Variants in BABAM2 observed in about 807,000 individuals in gnomAD.
BABAM2 encodes the protein BRISC and BRCA1 A complex member 2, also known as BRISC and BRCA1-A complex member 2.
In BABAM2, 31 loss-of-function variants were observed where a neutral mutation model predicts 54.7. That is an observed-to-expected ratio of 0.57 (90% CI 0.43 to 0.77). The LOEUF is 0.77. Among genes scored for constraint, BABAM2 ranks in the 30% least tolerant of loss-of-function variants. The probability of loss-of-function intolerance (pLI) is 0.00; values close to 1 mark genes in which losing one functional copy is unlikely to be tolerated. For missense variants in BABAM2, 364 were observed against 455.8 expected (o/e 0.80, Z 1.83); for synonymous variants, 167 against 162.9 (o/e 1.03, Z -0.19).
chr2:28,282,727 C>T (rs749016739), intron 10 of BABAM2, among the ~76,000 whole-genome samples: 9 of 152,160 alleles, frequency 5.9e-5, no homozygotes, highest in Middle Eastern at 3.4e-3. Flanking sequence ...TAGCCGGGCA[C>T]GGTGGCTCAT....
intron 5 of BABAM2, among the ~76,000 whole-genome samples, chr2:28,026,981 T>A (rs1573425287): frequency 9.1e-6 from 1 of 110,408 alleles, no homozygotes; most frequent in South Asian, 2.4e-4. Context: ...AATATATAAA[T>A]ATATATAAAA....
At chr2:27,944,959 T>C (rs567141249) in intron 3 of BABAM2, among the ~76,000 whole-genome samples, 90 of 152,236 alleles carry the variant, frequency 5.9e-4, no homozygotes, top group African/African-American at 2.1e-3. Flanking sequence ...CTACCTTTTT[T>C]TCTTGCCAAC....
intron 3 of BABAM2, among the ~76,000 whole-genome samples, chr2:27,958,708 T>C (rs1009109055): frequency 3.3e-5 from 5 of 152,116 alleles, no homozygotes; most frequent in Non-Finnish European, 5.9e-5. Flanking sequence ...ATGACTGACC[T>C]TTAGCTTCTT....
At chr2:28,308,336 A>C (rs1688744835) in intron 11 of BABAM2, 1 of 465,640 alleles carries the variant, frequency 2.1e-6, no homozygotes, top group Non-Finnish European at 4.2e-6. Flanking sequence ...GGCAGCAGAA[A>C]TATGCTTGGA....
chr2:28,297,073 A>C (rs937757227), intron 10 of BABAM2, among the ~76,000 whole-genome samples: 3 of 152,194 alleles, frequency 2.0e-5, no homozygotes, highest in African/African-American at 7.2e-5. Context: ...TGACAACTTT[A>C]GCTTCCTAAA....
intron 1 of BABAM2, among the ~76,000 whole-genome samples, chr2:27,892,731 A>G (rs141382512): frequency 6.6e-6 from 1 of 152,320 alleles, no homozygotes; most frequent in African/African-American, 2.4e-5. Context: ...AAGTGATAAA[A>G]TGTTTAAAAA....
At chr2:28,286,608 A>C (rs915327774) in intron 10 of BABAM2, among the ~76,000 whole-genome samples, 2 of 152,008 alleles carry the variant, frequency 1.3e-5, no homozygotes, top group Non-Finnish European at 2.9e-5. Flanking sequence ...CTTCCCAGTC[A>C]TAGTCCTCCC....
intron 3 of BABAM2, among the ~76,000 whole-genome samples, chr2:27,979,975 A>G (rs1167992227): frequency 1.3e-5 from 2 of 152,156 alleles, no homozygotes; most frequent in African/African-American, 4.8e-5. Flanking sequence ...CGTGTAAATA[A>G]AATCTACTTT....
At chr2:27,969,290 T>C (rs1049994985) in intron 3 of BABAM2, among the ~76,000 whole-genome samples, 1 of 152,182 alleles carries the variant, frequency 6.6e-6, no homozygotes, top group Admixed American at 6.5e-5. Context: ...GGTATGTCTT[T>C]ATCAGCAGCA....
intron 5 of BABAM2, among the ~76,000 whole-genome samples, chr2:28,044,147 A>C (rs535383740): frequency 6.6e-6 from 1 of 152,188 alleles, no homozygotes; most frequent in Admixed American, 6.6e-5. Context: ...GGCAGATATT[A>C]GTTATTATTA....
Position 28,113,818 on chromosome 2 carries a change from T to G in BABAM2, c.571-15453T>G, listed in dbSNP as rs553193619. On this transcript the variant is annotated intron_variant, in intron 6 of 11. Transcript: ENST00000379624. ...TTTTCCATTTGTTTGTGTCCTCTCT[T>G]ATTTTCTTGAGCAATGGTTTGTAGT... is the stretch of plus-strand genomic sequence containing the variant. 3.9e-5 allele frequency among the ~76,000 whole-genome samples: 6 copies of G among 152,296 alleles called. No homozygotes were observed. In the South Asian group the frequency reaches 1.2e-3, roughly 32 times the overall value.
At chr2:28,267,677 AGCATCCTCCACT>A (rs1404225780) in intron 10 of BABAM2, among the ~76,000 whole-genome samples, 1 of 152,210 alleles carries the variant, frequency 6.6e-6, no homozygotes, top group Non-Finnish European at 1.5e-5. Context: ...CTATGGCCTC[AGCATCCTCCACT>A]GCACCCTCTT....
chr2:28,161,578 C>A (rs2147813454), intron 7 of BABAM2, among the ~76,000 whole-genome samples: 1 of 152,274 alleles, frequency 6.6e-6, no homozygotes, highest in Middle Eastern at 3.4e-3. Context: ...AACTCTTCCC[C>A]TTTTCAAGCA....
At chr2:27,912,301 T>C (rs1294453248) in intron 2 of BABAM2, among the ~76,000 whole-genome samples, 1 of 152,154 alleles carries the variant, frequency 6.6e-6, no homozygotes, top group African/African-American at 2.4e-5. Context: ...TGAATGACTT[T>C]GCAAATCTTA....
At chr2:28,197,426 G>A (rs557855870) in intron 7 of BABAM2, among the ~76,000 whole-genome samples, 2 of 152,302 alleles carry the variant, frequency 1.3e-5, no homozygotes, top group South Asian at 2.1e-4. Context: ...CTTTGCAAGT[G>A]CTCAACGATG....
chr2:28,124,716 C>T (rs1466445700), intron 6 of BABAM2, among the ~76,000 whole-genome samples: 1 of 152,136 alleles, frequency 6.6e-6, no homozygotes. Flanking sequence ...ACCCACTTAT[C>T]CCCCTCCTCA....
chr2:28,241,038 A>G (rs539465184), intron 8 of BABAM2, among the ~76,000 whole-genome samples: 1 of 152,276 alleles, frequency 6.6e-6, no homozygotes, highest in Non-Finnish European at 1.5e-5. Flanking sequence ...TATTGTGGTT[A>G]TGTAGAAGAA....
chr2:28,288,318 GCTTTT>G (rs762589307), intron 10 of BABAM2, among the ~76,000 whole-genome samples: 4 of 149,956 alleles, frequency 2.7e-5, no homozygotes, highest in Non-Finnish European at 5.9e-5. Context: ...ACAGGTTGTG[GCTTTT>G]CTTTTCTTTT....
intron 7 of BABAM2, among the ~76,000 whole-genome samples, chr2:28,168,312 C>T (rs1673935209): frequency 6.6e-6 from 1 of 152,166 alleles, no homozygotes; most frequent in Non-Finnish European, 1.5e-5. Flanking sequence ...TTGAATAATT[C>T]AGCCAGAATC....
Sources: gnomAD v4.1 joint callset for allele counts (sites outside exome capture counted in the v4.1 genomes callset) on GRCh38, gnomAD v4.1.1 for gene constraint, MANE v1.5 for transcripts, NCBI Gene and HGNC (gene_info 2026-07-23, HGNC 2026-07-21) for gene names.